The following FOXP2 variants were observed in gnomAD, a reference collection of about 807,000 sequenced individuals.
FOXP2 encodes the protein forkhead box protein P2.
FOXP2 carries 12 observed loss-of-function variants against 115.8 expected under a neutral mutation model. That is an observed-to-expected ratio of 0.10 (90% confidence interval 0.07 to 0.17). The LOEUF (loss-of-function observed/expected upper bound fraction) is 0.17, where lower values mean the gene tolerates loss of function less well. Among genes scored for constraint, FOXP2 ranks in the 10% least tolerant of loss-of-function variants. FOXP2 has a pLI of 1.00. For missense variants in FOXP2, 629 were observed against 843.5 expected (o/e 0.75, Z 3.15); for synonymous variants, 328 against 297.7 (o/e 1.10, Z -1.05).
chr7:114,134,684 G>A (rs937041429), intron 1 of FOXP2, among the ~76,000 whole-genome samples: 2 of 141,936 alleles, frequency 1.4e-5, no homozygotes, highest in Non-Finnish European at 3.0e-5. Flanking sequence ...CTGCACTCCA[G>A]CCTGGGCGAC....
At chr7:114,227,197 G>C (rs149114455) in intron 1 of FOXP2, among the ~76,000 whole-genome samples, 87 of 152,210 alleles carry the variant, frequency 5.7e-4, no homozygotes, top group Non-Finnish European at 1.1e-3. Flanking sequence ...CCAGGCTACA[G>C]TGTCCCTATT....
intron 1 of FOXP2, among the ~76,000 whole-genome samples, chr7:114,224,094 C>G (rs1189717505): frequency 6.6e-6 from 1 of 151,982 alleles, no homozygotes; most frequent in Non-Finnish European, 1.5e-5. Flanking sequence ...TAGTCTGTTC[C>G]TTCCCTGTTA....
At chr7:114,442,830 CA>C (rs1212943874) in intron 2 of FOXP2, among the ~76,000 whole-genome samples, 2 of 151,678 alleles carry the variant, frequency 1.3e-5, no homozygotes, top group African/African-American at 4.8e-5. Context: ...AGAGAGAGGC[CA>C]AAAAAATGGT....
intron 2 of FOXP2, among the ~76,000 whole-genome samples, chr7:114,494,091 C>CT (rs200154308): frequency 2.0e-5 from 3 of 151,678 alleles, no homozygotes; most frequent in Admixed American, 6.6e-5. Context: ...TTAATTATTA[C>CT]TTTTTTTTAA....
At chr7:114,458,565 T>G (rs1324658771) in intron 2 of FOXP2, among the ~76,000 whole-genome samples, 1 of 148,428 alleles carries the variant, frequency 6.7e-6, no homozygotes, top group Non-Finnish European at 1.5e-5. Flanking sequence ...TTTTTTTTTT[T>G]GAGACAGGAT....
intron 16 of FOXP2, chr7:114,668,902 A>G (rs1191731748): frequency 1.3e-5 from 2 of 152,148 alleles, no homozygotes; most frequent in Non-Finnish European, 2.9e-5. Context: ...TACTTACAGG[A>G]GTATAAAATC....
At chr7:114,432,642 C>A (rs1321365766) in intron 2 of FOXP2, among the ~76,000 whole-genome samples, 1 of 151,874 alleles carries the variant, frequency 6.6e-6, no homozygotes, top group Non-Finnish European at 1.5e-5. Flanking sequence ...AATGTGGCAT[C>A]TATTTACATT....
At chr7:114,393,545 GGGGCGT>G (rs1792661449) in intron 2 of FOXP2, among the ~76,000 whole-genome samples, 1 of 151,824 alleles carries the variant, frequency 6.6e-6, no homozygotes, top group Non-Finnish European at 1.5e-5. Context: ...TAGGCTGAAG[GGGGCGT>G]CCTTATGGGG....
chr7:114,110,303 T>C (rs971619368), intron 1 of FOXP2, among the ~76,000 whole-genome samples: 12 of 152,158 alleles, frequency 7.9e-5, no homozygotes, highest in African/African-American at 2.9e-4. Context: ...TGAATTGAAC[T>C]TGAATTGGTA....
chr7:114,110,173 A>G (rs1791231976), intron 1 of FOXP2, among the ~76,000 whole-genome samples: 1 of 152,134 alleles, frequency 6.6e-6, no homozygotes. Context: ...TGCTAGCCCT[A>G]GTCGTAGTTC....
chr7:114,391,190 GA>G (rs555238683), intron 2 of FOXP2, among the ~76,000 whole-genome samples: 1,954 of 139,542 alleles, frequency 0.014, 17 homozygotes, highest in African/African-American at 0.029. Context: ...TCCATCTCAG[GA>G]AAAAAAAAAA....
intron 3 of FOXP2, among the ~76,000 whole-genome samples, chr7:114,598,099 A>G (rs1204967074): frequency 6.6e-6 from 1 of 152,096 alleles, no homozygotes; most frequent in Non-Finnish European, 1.5e-5. Flanking sequence ...TTTGCCTTCT[A>G]TAATGTTGAC....
chr7:114,501,077 A>G (rs1028958460), intron 2 of FOXP2, among the ~76,000 whole-genome samples: 1 of 152,132 alleles, frequency 6.6e-6, no homozygotes, highest in Non-Finnish European at 1.5e-5. Context: ...AAAAAGAATC[A>G]TTTTGTCTTA....
At chr7:114,221,993 T>G (rs1794635922) in intron 1 of FOXP2, among the ~76,000 whole-genome samples, 1 of 152,112 alleles carries the variant, frequency 6.6e-6, no homozygotes, top group Non-Finnish European at 1.5e-5. Context: ...GTAGGAAGGT[T>G]TATGGAAGAA....
intron 16 of FOXP2, among the ~76,000 whole-genome samples, chr7:114,684,040 T>A (rs1486734534): frequency 1.3e-5 from 2 of 152,088 alleles, no homozygotes; most frequent in African/African-American, 2.4e-5. Context: ...TTTTAAAAAA[T>A]TTTTCTTTAT....
intron 2 of FOXP2, among the ~76,000 whole-genome samples, chr7:114,353,088 A>G (rs893825993): frequency 1.3e-5 from 2 of 152,034 alleles, no homozygotes; most frequent in Admixed American, 6.6e-5. Flanking sequence ...ACCTCTCACC[A>G]CTGTCCATAA....
chr7:114,634,097 G>T, intron 6 of FOXP2, among the ~76,000 whole-genome samples: 1 of 151,878 alleles, frequency 6.6e-6, no homozygotes, highest in East Asian at 1.9e-4. Context: ...CCGGGTTCAA[G>T]CAATTCTCCT....
intron 2 of FOXP2, among the ~76,000 whole-genome samples, chr7:114,486,577 C>G (rs1796786511): frequency 6.6e-6 from 1 of 152,184 alleles, no homozygotes; most frequent in Admixed American, 6.5e-5. Context: ...TAAACGTCCA[C>G]AGTCCAAAGC....
intron 1 of FOXP2, among the ~76,000 whole-genome samples, chr7:114,283,353 A>T (rs1017807573): frequency 6.6e-6 from 1 of 152,132 alleles, no homozygotes; most frequent in Admixed American, 6.6e-5. Flanking sequence ...CATGTATTTT[A>T]TTTCTTTACT....
Sources: gnomAD v4.1 joint callset for allele counts (sites outside exome capture counted in the v4.1 genomes callset) on GRCh38, gnomAD v4.1.1 for gene constraint, MANE v1.5 for transcripts, NCBI Gene and HGNC (gene_info 2026-07-23, HGNC 2026-07-21) for gene names.